Variants in BCKDHB observed in about 807,000 individuals in gnomAD.
The protein encoded by BCKDHB is 2-oxoisovalerate dehydrogenase subunit beta, mitochondrial.
In BCKDHB, 41 loss-of-function variants were observed where a neutral mutation model predicts 48.5. The ratio of observed to expected loss-of-function variants is 0.85; its 90% confidence interval spans 0.66 to 1.10. BCKDHB has a LOEUF of 1.10. BCKDHB is among the 50% of genes least tolerant of loss of function. The pLI, the probability that BCKDHB is intolerant of heterozygous loss-of-function variation, is 0.00. For missense variants in BCKDHB, 496 were observed against 494.2 expected, an observed-to-expected ratio of 1.00 and a Z score of -0.03; for synonymous variants, 201 against 174.8, an observed-to-expected ratio of 1.15 and a Z score of -1.18.
At chr6:80,250,212 T>A (rs1184733694) in intron 8 of BCKDHB, among the ~76,000 whole-genome samples, 4 of 152,148 alleles carry the variant, frequency 2.6e-5, no homozygotes, top group Admixed American at 2.6e-4. Context: ...AGGAGATAAC[T>A]GAAGCCTAGG....
intron 6 of BCKDHB, among the ~76,000 whole-genome samples, chr6:80,173,828 A>T (rs1300043248): frequency 7.1e-5 from 10 of 139,934 alleles, no homozygotes; most frequent in African/African-American, 2.1e-4. Flanking sequence ...GGATCTTCTG[A>T]CCCTGATTCT....
intron 1 of BCKDHB, among the ~76,000 whole-genome samples, chr6:80,111,738 G>A (rs561707122): frequency 6.6e-6 from 1 of 152,232 alleles, no homozygotes; most frequent in South Asian, 2.1e-4. Context: ...AATGTCTATG[G>A]TTTTATATAT....
chr6:80,462,502 A>C, the BCKDHB span, among the ~76,000 whole-genome samples: 5 of 152,230 alleles, frequency 3.3e-5, no homozygotes, highest in Non-Finnish European at 1.5e-5. Flanking sequence ...TTCAGCTCAC[A>C]TCCAGACATG....
chr6:80,141,221 T>C (rs984898345), intron 3 of BCKDHB, among the ~76,000 whole-genome samples: 7 of 151,850 alleles, frequency 4.6e-5, no homozygotes, highest in Admixed American at 3.9e-4. Context: ...TTGCTAGCGG[T>C]CTATCAATTT....
chr6:80,464,710 A>G, the BCKDHB span, among the ~76,000 whole-genome samples: 2 of 152,190 alleles, frequency 1.3e-5, no homozygotes, highest in Admixed American at 6.5e-5. Flanking sequence ...AAAGGCCACA[A>G]TATTCATTAT....
the BCKDHB span, among the ~76,000 whole-genome samples, chr6:80,377,481 C>G: frequency 6.6e-6 from 1 of 152,224 alleles, no homozygotes; most frequent in East Asian, 1.9e-4. Flanking sequence ...AGTTTTAGCT[C>G]TTAAATTTAG....
At chr6:80,455,488 G>A in the BCKDHB span, among the ~76,000 whole-genome samples, 4 of 151,240 alleles carry the variant, frequency 2.6e-5, no homozygotes, top group Admixed American at 2.6e-4. Context: ...CTCATGTAAG[G>A]CATTCATAGT....
chr6:80,383,491 A>C, the BCKDHB span, among the ~76,000 whole-genome samples: 7 of 152,274 alleles, frequency 4.6e-5, no homozygotes, highest in Admixed American at 6.5e-5. Flanking sequence ...ATAACTATAT[A>C]GTTTAAATGA....
At chr6:80,185,116 A>G (rs1402331112) in intron 6 of BCKDHB, among the ~76,000 whole-genome samples, 1 of 152,046 alleles carries the variant, frequency 6.6e-6, no homozygotes, top group African/African-American at 2.4e-5. Context: ...AATTTCTTGG[A>G]GGCTTTGTTC....
chr6:80,230,285 G>T (rs553490444), intron 8 of BCKDHB, among the ~76,000 whole-genome samples: 6 of 151,598 alleles, frequency 4.0e-5, no homozygotes, highest in Non-Finnish European at 7.4e-5. Flanking sequence ...TGATCCGCCC[G>T]CCTCGGCCTC....
chr6:80,430,574 C>T, the BCKDHB span, among the ~76,000 whole-genome samples: 1 of 150,192 alleles, frequency 6.7e-6, no homozygotes, highest in Non-Finnish European at 1.5e-5. Context: ...ATTCAATTTT[C>T]CATTTCTTCT....
At chr6:80,229,179 A>G (rs1332361040) in intron 8 of BCKDHB, among the ~76,000 whole-genome samples, 4 of 152,248 alleles carry the variant, frequency 2.6e-5, no homozygotes, top group Non-Finnish European at 4.4e-5. Context: ...TGGAGCTTAG[A>G]CACTATTGCA....
At chr6:80,386,852 C>G in the BCKDHB span, among the ~76,000 whole-genome samples, 1 of 152,170 alleles carries the variant, frequency 6.6e-6, no homozygotes. Flanking sequence ...CAGAGAATCA[C>G]AGCCCCTCAA....
chr6:80,185,282 T>C (rs1260313981), intron 6 of BCKDHB, among the ~76,000 whole-genome samples: 1 of 152,160 alleles, frequency 6.6e-6, no homozygotes, highest in Non-Finnish European at 1.5e-5. Context: ...GTTTTTTCTT[T>C]ATGATATTTA....
the BCKDHB span, chr6:80,374,312 C>CT: frequency 2.1e-6 from 2 of 953,214 alleles, no homozygotes; most frequent in Non-Finnish European, 3.4e-6. Flanking sequence ...ATTCAGCACT[C>CT]TTTTTGGGCC....
At chr6:80,338,496 G>A (rs1339203142) in intron 9 of BCKDHB, among the ~76,000 whole-genome samples, 1 of 152,102 alleles carries the variant, frequency 6.6e-6, no homozygotes, top group Non-Finnish European at 1.5e-5. Flanking sequence ...AGGCTTTCTG[G>A]CAGTGCTCTC....
At chr6:80,404,677 T>G in the BCKDHB span, among the ~76,000 whole-genome samples, 1 of 152,080 alleles carries the variant, frequency 6.6e-6, no homozygotes, top group Non-Finnish European at 1.5e-5. Flanking sequence ...GATCATTCTT[T>G]TTTCTTAATG....
At chr6:80,124,200 G>A (rs1770207249) in intron 1 of BCKDHB, among the ~76,000 whole-genome samples, 1 of 152,160 alleles carries the variant, frequency 6.6e-6, no homozygotes, top group Non-Finnish European at 1.5e-5. Context: ...TAGTTGTGCG[G>A]TTTTGAGTGA....
the BCKDHB span, among the ~76,000 whole-genome samples, chr6:80,410,913 T>G: frequency 2.0e-5 from 3 of 152,188 alleles, no homozygotes; most frequent in Admixed American, 1.3e-4. Context: ...TTGGAGAAGT[T>G]TGTTATTACT....
Sources: allele counts gnomAD v4.1 joint callset (sites outside exome capture counted in the v4.1 genomes callset), GRCh38; gene constraint gnomAD v4.1.1; transcripts MANE v1.5; gene names NCBI Gene and HGNC (gene_info 2026-07-23, HGNC 2026-07-21).